The following DLG2 variants were observed in gnomAD, a reference collection of about 807,000 sequenced individuals.
DLG2 encodes disks large homolog 2.
In DLG2, 45 loss-of-function variants were observed where a neutral mutation model predicts 132.5. The observed-to-expected ratio is 0.34, with a 90% confidence interval of 0.27 to 0.44. DLG2 has a LOEUF of 0.44. Ranked by LOEUF, DLG2 falls within the 20% of genes least tolerant of loss-of-function variation. The probability of loss-of-function intolerance (pLI) is 1.00; values close to 1 mark genes in which losing one functional copy is unlikely to be tolerated. For missense variants in DLG2, 1,045 were observed against 1,196.9 expected, an observed-to-expected ratio of 0.87 and a Z score of 1.87; for synonymous variants, 424 against 419.6, an observed-to-expected ratio of 1.01 and a Z score of -0.13.
intron 8 of DLG2, among the ~76,000 whole-genome samples, chr11:84,205,093 C>T (rs945059018): frequency 7.2e-5 from 11 of 151,960 alleles, no homozygotes; most frequent in African/African-American, 2.4e-4. Context: ...TAGTGAACTG[C>T]GTTATTAAAG....
At chr11:84,836,643 G>A (rs540403812) in intron 6 of DLG2, among the ~76,000 whole-genome samples, 7 of 151,870 alleles carry the variant, frequency 4.6e-5, no homozygotes, top group African/African-American at 1.7e-4. Context: ...TTGCCCTCAA[G>A]GATCTTACAG....
intron 3 of DLG2, among the ~76,000 whole-genome samples, chr11:85,343,293 G>A (rs1173880977): frequency 1.3e-5 from 2 of 152,074 alleles, no homozygotes; most frequent in African/African-American, 2.4e-5. Flanking sequence ...GCCCTTCAGT[G>A]TGTCTTACCT....
chr11:84,410,574 CTTTT>C lies in DLG2; in HGVS notation c.519+123992_519+123995del, dbSNP rs367980167. 3.9e-3 allele frequency among the ~76,000 whole-genome samples: 425 copies of C among 109,086 alleles called. 1 individual carries two copies. The highest frequency in any genetic ancestry group is 0.023 in the South Asian group (66 of 2,920). 71.6% of individuals were successfully genotyped at this position (109,086 alleles called of 152,430 possible). On this transcript the variant is annotated intron_variant, in intron 7 of 27. Coordinates refer to ENST00000376104, the MANE Select transcript of DLG2 (RefSeq NM_001142699.3). ...AATCATTTTTTAAAAACCACATAAA[CTTTT>C]TTTTTTTTTTTTTTTTTTTGAGATG... is the stretch of plus-strand genomic sequence containing the variant.
chr11:84,527,996 G>C (rs1320611434), intron 7 of DLG2, among the ~76,000 whole-genome samples: 1 of 150,602 alleles, frequency 6.6e-6, no homozygotes, highest in Non-Finnish European at 1.5e-5. Context: ...TTTTAAGTTT[G>C]AGGAGTTCAA....
At chr11:84,787,189 G>C (rs534391625) in intron 6 of DLG2, among the ~76,000 whole-genome samples, 3 of 152,096 alleles carry the variant, frequency 2.0e-5, no homozygotes, top group Non-Finnish European at 4.4e-5. Context: ...TTGACTCTTG[G>C]CAAGTGTCTC....
intron 17 of DLG2, among the ~76,000 whole-genome samples, chr11:83,808,919 G>A (rs1447006771): frequency 1.3e-5 from 2 of 151,930 alleles, no homozygotes; most frequent in African/African-American, 4.8e-5. Flanking sequence ...CTGCATCTGT[G>A]ACTAGATTCC....
intron 3 of DLG2, among the ~76,000 whole-genome samples, chr11:85,402,162 G>C (rs1378154973): frequency 5.9e-5 from 9 of 152,106 alleles, no homozygotes; most frequent in Admixed American, 1.3e-4. Context: ...CAATGGAACA[G>C]AACAGAGACC....
chr11:83,963,115 A>T, intron 13 of DLG2, 92 bp from the exon 14 acceptor site: 2 of 1,418,696 alleles, frequency 1.4e-6, no homozygotes, highest in Non-Finnish European at 2.0e-6. Flanking sequence ...TAAAAACAGA[A>T]AGGCTTTGCT....
At chr11:84,381,164 T>C (rs528786088) in intron 7 of DLG2, among the ~76,000 whole-genome samples, 15 of 152,146 alleles carry the variant, frequency 9.9e-5, no homozygotes, top group African/African-American at 2.6e-4. Flanking sequence ...TCATAACTTA[T>C]TAAACTTTGC....
intron 8 of DLG2, among the ~76,000 whole-genome samples, chr11:84,243,182 A>C (rs942710738): frequency 1.4e-4 from 21 of 152,174 alleles, no homozygotes; most frequent in Admixed American, 3.9e-4. Context: ...ACAATTCCAT[A>C]TCTGCATTGT....
intron 9 of DLG2, among the ~76,000 whole-genome samples, chr11:84,104,147 C>G (rs1025841576): frequency 6.6e-6 from 1 of 151,894 alleles, no homozygotes; most frequent in Non-Finnish European, 1.5e-5. Flanking sequence ...AATTGTAGTG[C>G]TTTTCAATAA....
intron 27 of DLG2, chr11:83,461,456 G>T (rs2089996533): frequency 2.0e-5 from 3 of 152,014 alleles, no homozygotes. Flanking sequence ...TGTTTCCAAG[G>T]AAACATTTAA....
At chr11:84,134,341 A>T (rs1336033902) in intron 9 of DLG2, among the ~76,000 whole-genome samples, 1 of 152,074 alleles carries the variant, frequency 6.6e-6, no homozygotes, top group Non-Finnish European at 1.5e-5. Flanking sequence ...TCCTTGGACT[A>T]TTTTCTTAGG....
chr11:83,822,746 G>C (rs1048697621), intron 17 of DLG2, among the ~76,000 whole-genome samples: 2 of 152,186 alleles, frequency 1.3e-5, no homozygotes, highest in Admixed American at 1.3e-4. Context: ...AGAGCTTGTA[G>C]ACTATCTGTT....
intron 6 of DLG2, among the ~76,000 whole-genome samples, chr11:85,053,091 T>C (rs2063060884): frequency 6.6e-6 from 1 of 152,162 alleles, no homozygotes; most frequent in African/African-American, 2.4e-5. Flanking sequence ...TGAACTCTGG[T>C]TCCAATGCAG....
intron 6 of DLG2, among the ~76,000 whole-genome samples, chr11:84,709,424 T>C (rs2060128116): frequency 1.3e-5 from 2 of 152,040 alleles, no homozygotes; most frequent in South Asian, 4.1e-4. Context: ...CTAATATTTA[T>C]TTAATGATTA....
At chr11:83,484,766 T>C (rs2093393868) in intron 21 of DLG2, among the ~76,000 whole-genome samples, 1 of 152,152 alleles carries the variant, frequency 6.6e-6, no homozygotes, top group South Asian at 2.1e-4. Flanking sequence ...TAATTTGAAT[T>C]TGAGTTACTT....
intron 7 of DLG2, among the ~76,000 whole-genome samples, chr11:84,298,402 T>C (rs1228888000): frequency 3.3e-5 from 5 of 152,162 alleles, no homozygotes; most frequent in Non-Finnish European, 7.3e-5. Flanking sequence ...GGACAGAATG[T>C]GAAGTTCAGA....
intron 3 of DLG2, among the ~76,000 whole-genome samples, chr11:85,313,649 C>T (rs965763230): frequency 5.3e-5 from 8 of 152,024 alleles, no homozygotes; most frequent in African/African-American, 1.7e-4. Flanking sequence ...AATGCCATTA[C>T]ATAACTAATA....
Sources: allele counts gnomAD v4.1 joint callset (sites outside exome capture counted in the v4.1 genomes callset), GRCh38; gene constraint gnomAD v4.1.1; transcripts MANE v1.5; gene names NCBI Gene and HGNC (gene_info 2026-07-23, HGNC 2026-07-21).